Variants in ARHGAP6 observed in about 807,000 individuals in gnomAD.
ARHGAP6 encodes the protein Rho GTPase activating protein 6.
ARHGAP6 carries 16 observed loss-of-function variants against 55.7 expected under a neutral mutation model. The ratio of observed to expected loss-of-function variants is 0.29; its 90% CI spans 0.19 to 0.44. The LOEUF (loss-of-function observed/expected upper bound fraction) is 0.44, where lower values mean the gene tolerates loss of function less well. ARHGAP6 is among the 20% of genes least tolerant of loss of function. The pLI is 1.00. For missense variants in ARHGAP6, 698 were observed against 808.9 expected, an observed-to-expected ratio of 0.86 and a Z score of 1.66; for synonymous variants, 382 against 360.9, an observed-to-expected ratio of 1.06 and a Z score of -0.66.
At chrX:11,449,846 C>T (rs988066405) in intron 1 of ARHGAP6, among the ~76,000 whole-genome samples, 6 of 111,924 alleles carry the variant, frequency 5.4e-5, no homozygotes, top group Non-Finnish European at 1.1e-4. Flanking sequence ...TGGGAGTAAA[C>T]ATACGTGGAC....
intron 1 of ARHGAP6, among the ~76,000 whole-genome samples, chrX:11,501,175 G>T (rs2050674340): frequency 8.9e-6 from 1 of 111,924 alleles, no homozygotes; most frequent in South Asian, 3.8e-4. Flanking sequence ...TTACAAGCTG[G>T]CACAGTGACT....
intron 10 of ARHGAP6, among the ~76,000 whole-genome samples, chrX:11,152,874 T>G (rs138378188): frequency 8.9e-5 from 10 of 111,774 alleles, no homozygotes; most frequent in African/African-American, 3.3e-4. Context: ...AAAATCCGAA[T>G]GTCCAGATTG....
At chrX:11,425,484 C>A (rs5935059) in intron 1 of ARHGAP6, among the ~76,000 whole-genome samples, 28,546 of 111,497 alleles carry the variant, frequency 0.26, 2,778 homozygotes, top group Middle Eastern at 0.39. Flanking sequence ...CTGCTGCTTT[C>A]TCATCCTAAA....
At chrX:11,348,753 G>A (rs1433729589) in intron 1 of ARHGAP6, among the ~76,000 whole-genome samples, 2 of 111,173 alleles carry the variant, frequency 1.8e-5, no homozygotes, top group African/African-American at 6.5e-5. Flanking sequence ...AGGCTTAAGC[G>A]ATTCTCCCGC....
intron 10 of ARHGAP6, 138 bp from the exon 11 acceptor site, chrX:11,144,386 G>A: frequency 1.2e-6 from 1 of 860,221 alleles, no homozygotes; most frequent in South Asian, 2.4e-5. Flanking sequence ...TTTGAGCAAT[G>A]TTCCAAGACA....
At chrX:11,174,592 T>TTTCTTTCTTTCTTTCTTTCTTTC (rs2046157974) in intron 8 of ARHGAP6, among the ~76,000 whole-genome samples, 3 of 67,435 alleles carry the variant, frequency 4.4e-5, no homozygotes, top group African/African-American at 1.0e-4. Flanking sequence ...CTTTCTTTCT[T>TTTCTTTCTTTCTTTCTTTCTTTC]TTTCTTTCTT....
intron 1 of ARHGAP6, among the ~76,000 whole-genome samples, chrX:11,579,280 T>A (rs2051638072): frequency 9.0e-6 from 1 of 111,407 alleles, no homozygotes. Flanking sequence ...AAGAAAACAA[T>A]TTTAACGACA....
At chrX:11,489,935 C>G (rs1343957998) in intron 1 of ARHGAP6, among the ~76,000 whole-genome samples, 2 of 111,197 alleles carry the variant, frequency 1.8e-5, no homozygotes, top group Non-Finnish European at 3.8e-5. Context: ...CATGTGAGAA[C>G]CATGAGAATG....
chrX:11,505,492 A>G (rs1480541332), intron 1 of ARHGAP6, among the ~76,000 whole-genome samples: 1 of 111,283 alleles, frequency 9.0e-6, no homozygotes, highest in Non-Finnish European at 1.9e-5. Context: ...GCAGTGTGGC[A>G]ATTCCTCCAA....
intron 1 of ARHGAP6, among the ~76,000 whole-genome samples, chrX:11,516,488 C>A (rs1299674038): frequency 1.8e-5 from 2 of 111,930 alleles, no homozygotes; most frequent in Non-Finnish European, 3.8e-5. Context: ...AATATATTTT[C>A]AATATCTCAC....
intron 10 of ARHGAP6, among the ~76,000 whole-genome samples, chrX:11,145,869 C>A (rs2045682595): frequency 8.9e-6 from 1 of 112,336 alleles, no homozygotes; most frequent in African/African-American, 3.2e-5. Flanking sequence ...CAGGGTGGGG[C>A]CAGCAAATTT....
chrX:11,456,665 G>C (rs77487751), intron 1 of ARHGAP6, among the ~76,000 whole-genome samples: 4 of 111,616 alleles, frequency 3.6e-5, no homozygotes, highest in Admixed American at 9.5e-5. Flanking sequence ...ACCACAGTAC[G>C]TGAGAGAACT....
At chrX:11,621,377 A>G in intron 1 of ARHGAP6, among the ~76,000 whole-genome samples, 1 of 112,235 alleles carries the variant, frequency 8.9e-6, no homozygotes, top group Non-Finnish European at 1.9e-5. Flanking sequence ...TAAAATACTC[A>G]GGAAGATAGA....
chrX:11,394,881 T>C (rs1039678632), intron 1 of ARHGAP6, among the ~76,000 whole-genome samples: 2 of 111,692 alleles, frequency 1.8e-5, no homozygotes, highest in African/African-American at 6.5e-5. Context: ...ATTGGCTACA[T>C]AATTTATGGA....
chrX:11,176,598 C>T (rs1472369754), intron 8 of ARHGAP6, among the ~76,000 whole-genome samples: 2 of 108,715 alleles, frequency 1.8e-5, no homozygotes, highest in Admixed American at 1.0e-4. Flanking sequence ...TTCTCCTTCT[C>T]ACACAGTACT....
At chrX:11,492,083 T>G (rs1364816579) in intron 1 of ARHGAP6, among the ~76,000 whole-genome samples, 2 of 108,967 alleles carry the variant, frequency 1.8e-5, no homozygotes, top group African/African-American at 6.8e-5. Context: ...TAAATTTGTT[T>G]GAGTTCATTG....
intron 1 of ARHGAP6, among the ~76,000 whole-genome samples, chrX:11,505,974 A>G (rs1179733381): frequency 9.0e-6 from 1 of 111,192 alleles, no homozygotes; most frequent in Non-Finnish European, 1.9e-5. Flanking sequence ...TAGTCTGTAC[A>G]ACAAACCGCT....
At chrX:11,273,224 C>T (rs947343693) in intron 1 of ARHGAP6, among the ~76,000 whole-genome samples, 3 of 110,166 alleles carry the variant, frequency 2.7e-5, no homozygotes, top group Admixed American at 9.7e-5. Context: ...GATAAATTAA[C>T]GTGGCAATAT....
At chrX:11,567,158 T>C (rs2051451461) in intron 1 of ARHGAP6, among the ~76,000 whole-genome samples, 1 of 111,858 alleles carries the variant, frequency 8.9e-6, no homozygotes, top group Non-Finnish European at 1.9e-5. Context: ...TCTCTAAACA[T>C]GTTAAATCAT....
Sources: allele counts gnomAD v4.1 joint callset (sites outside exome capture counted in the v4.1 genomes callset), GRCh38; gene constraint gnomAD v4.1.1; transcripts MANE v1.5; gene names NCBI Gene and HGNC (gene_info 2026-07-23, HGNC 2026-07-21).